Variants in FHIT observed in about 807,000 individuals in gnomAD.
FHIT encodes bis(5'-adenosyl)-triphosphatase.
In FHIT, 19 loss-of-function variants were observed where a neutral mutation model predicts 17.9. That is an observed-to-expected ratio of 1.06 (90% CI 0.74 to 1.56). FHIT has a LOEUF of 1.56. Among genes scored for constraint, FHIT ranks in the 40% most tolerant of loss-of-function variants. The pLI is 0.00. For synonymous variants in FHIT, 81 were observed against 69.7 expected (o/e 1.16, Z -0.81); for missense variants, 248 against 189.2 (o/e 1.31, Z -1.82).
chr3:59,975,688 A>G (rs552724691), intron 7 of FHIT, among the ~76,000 whole-genome samples: 3 of 152,158 alleles, frequency 2.0e-5, no homozygotes, highest in Admixed American at 2.0e-4. Context: ...GAATCAAGAG[A>G]TACTAGCCTA....
intron 1 of FHIT, among the ~76,000 whole-genome samples, chr3:61,209,031 G>T (rs527591681): frequency 1.3e-5 from 2 of 152,070 alleles, no homozygotes; most frequent in East Asian, 3.9e-4. Flanking sequence ...AAATCTCTCA[G>T]CATTTGCTTG....
At chr3:60,028,242 C>T (rs889995922) in intron 5 of FHIT, among the ~76,000 whole-genome samples, 2 of 152,134 alleles carry the variant, frequency 1.3e-5, no homozygotes, top group Non-Finnish European at 2.9e-5. Context: ...ATAGGCAGTC[C>T]TTCTCATGGT....
chr3:60,306,766 T>A (rs1708690666), intron 5 of FHIT, among the ~76,000 whole-genome samples: 1 of 152,150 alleles, frequency 6.6e-6, no homozygotes. Flanking sequence ...TTTACAAATT[T>A]AAGGGAATGT....
intron 5 of FHIT, among the ~76,000 whole-genome samples, chr3:60,204,820 G>A (rs1465526761): frequency 6.6e-6 from 1 of 152,060 alleles, no homozygotes; most frequent in Non-Finnish European, 1.5e-5. Context: ...GAAATGTAAT[G>A]TAACAATACC....
chr3:60,253,434 T>G (rs58765924), intron 5 of FHIT, among the ~76,000 whole-genome samples: 2,741 of 152,316 alleles, frequency 0.018, 87 homozygotes, highest in African/African-American at 0.058. Context: ...AGTGTGATGA[T>G]CAGTTGGCAA....
chr3:60,317,683 C>T (rs1209746928), intron 5 of FHIT, among the ~76,000 whole-genome samples: 2 of 147,160 alleles, frequency 1.4e-5, no homozygotes, highest in Non-Finnish European at 3.0e-5. Context: ...ATCAGTGTGC[C>T]AACATGACAA....
intron 5 of FHIT, among the ~76,000 whole-genome samples, chr3:60,456,162 G>A (rs2032079021): frequency 6.6e-6 from 1 of 152,168 alleles, no homozygotes; most frequent in South Asian, 2.1e-4. Context: ...AGATGGGTTT[G>A]TACACACAAG....
intron 5 of FHIT, among the ~76,000 whole-genome samples, chr3:60,098,834 T>G (rs534808425): frequency 6.6e-6 from 1 of 152,318 alleles, no homozygotes; most frequent in South Asian, 2.1e-4. Context: ...TGGTAAACAG[T>G]AGTCAAATTT....
At chr3:60,251,722 G>A (rs1458227486) in intron 5 of FHIT, among the ~76,000 whole-genome samples, 2 of 151,956 alleles carry the variant, frequency 1.3e-5, no homozygotes, top group Admixed American at 1.3e-4. Context: ...CCAGCGTGTG[G>A]GCCACTGCTC....
In FHIT at chr3:61,239,648, G is replaced by T. The variant is rs182552451; in HGVS notation, c.-213+11653C>A. On this transcript the variant is annotated intron_variant, in intron 1 of 9. Coordinates refer to ENST00000492590, the MANE Select transcript of FHIT (RefSeq NM_002012.4). ...GTCCCCTTCACTAGACTCCATGAGGGCAGTGCTGATATTTTATATAGATCA... is the reference window on the plus strand; with the variant it reads ...GTCCCCTTCACTAGACTCCATGAGGTCAGTGCTGATATTTTATATAGATCA... Among the ~76,000 whole-genome samples the T allele has an allele frequency of 1.1e-3, 170 of 151,448 alleles. 2 individuals carry two copies. Among genetic ancestry groups the T allele is most frequent in the African/African-American group, 3.9e-3 (159 of 41,140 alleles).
chr3:60,796,584 G>T (rs1700987704), intron 4 of FHIT, among the ~76,000 whole-genome samples: 1 of 151,806 alleles, frequency 6.6e-6, no homozygotes, highest in African/African-American at 2.4e-5. Flanking sequence ...GAGGGTTGTT[G>T]TTTGTTTGTT....
chr3:60,428,734 A>C (rs573059741), intron 5 of FHIT, among the ~76,000 whole-genome samples: 14 of 152,282 alleles, frequency 9.2e-5, no homozygotes, highest in Middle Eastern at 3.4e-3. Flanking sequence ...CAGCAGGCTA[A>C]GGTTACTCTT....
At chr3:60,747,692 A>G (rs1280584876) in intron 4 of FHIT, among the ~76,000 whole-genome samples, 1 of 152,224 alleles carries the variant, frequency 6.6e-6, no homozygotes, top group Admixed American at 6.5e-5. Flanking sequence ...CAACAGAATC[A>G]ACGACAATTC....
chr3:60,977,183 G>A (rs1306057387), intron 3 of FHIT, among the ~76,000 whole-genome samples: 3 of 152,140 alleles, frequency 2.0e-5, no homozygotes, highest in Non-Finnish European at 4.4e-5. Flanking sequence ...TAAAAAATGA[G>A]GGAGCGAAAA....
At chr3:60,540,103 C>T (rs565216737) in intron 4 of FHIT, among the ~76,000 whole-genome samples, 36 of 152,076 alleles carry the variant, frequency 2.4e-4, no homozygotes, top group African/African-American at 7.2e-4. Flanking sequence ...ACAGTTTAAT[C>T]GGTCATGTTT....
intron 5 of FHIT, among the ~76,000 whole-genome samples, chr3:60,416,222 C>A (rs542884804): frequency 2.8e-4 from 43 of 152,108 alleles, no homozygotes; most frequent in African/African-American, 9.4e-4. Flanking sequence ...AGTCAATATT[C>A]ATAGGATAAA....
intron 3 of FHIT, among the ~76,000 whole-genome samples, chr3:60,970,006 T>C (rs1336740886): frequency 6.6e-6 from 1 of 152,134 alleles, no homozygotes; most frequent in Non-Finnish European, 1.5e-5. Flanking sequence ...TTTGGTTTTG[T>C]AGAGATGGGG....
intron 2 of FHIT, among the ~76,000 whole-genome samples, chr3:61,102,820 G>T (rs2106857777): frequency 6.6e-6 from 1 of 152,252 alleles, no homozygotes; most frequent in East Asian, 1.9e-4. Flanking sequence ...ATTTCTTCTA[G>T]ATTTTCTAGT....
chr3:60,949,079 T>C (rs1023135795), intron 3 of FHIT, among the ~76,000 whole-genome samples: 3 of 152,096 alleles, frequency 2.0e-5, no homozygotes, highest in Non-Finnish European at 4.4e-5. Context: ...TAGCATACAG[T>C]AGAAAAAGCG....
Sources: allele counts gnomAD v4.1 joint callset (sites outside exome capture counted in the v4.1 genomes callset), GRCh38; gene constraint gnomAD v4.1.1; transcripts MANE v1.5; gene names NCBI Gene and HGNC (gene_info 2026-07-23, HGNC 2026-07-21).